The following RAPGEF1 variants were observed in gnomAD, a reference collection of about 807,000 sequenced individuals.
The protein encoded by RAPGEF1 is CRK SH3-binding GNRP.
Under a neutral mutation model 143.3 loss-of-function variants are expected in RAPGEF1, and 33 were observed. The ratio of observed to expected loss-of-function variants is 0.23; its 90% CI spans 0.17 to 0.31. RAPGEF1 has a LOEUF of 0.31. Among genes scored for constraint, RAPGEF1 ranks in the 10% least tolerant of loss-of-function variants. The pLI, the probability that RAPGEF1 is intolerant of heterozygous loss-of-function variation, is 1.00. For missense variants in RAPGEF1, 1,199 were observed against 1,645.4 expected, an observed-to-expected ratio of 0.73 and a Z score of 4.69; for synonymous variants, 629 against 676.5, an observed-to-expected ratio of 0.93 and a Z score of 1.09.
chr9:131,579,910 C>T (rs889239778), intron 26 of RAPGEF1, among the ~76,000 whole-genome samples: 9 of 152,232 alleles, frequency 5.9e-5, no homozygotes, highest in East Asian at 1.9e-4. Flanking sequence ...CCCCCAACAA[C>T]GCATGCCAGG....
chr9:131,598,119 A>G (rs1564484477), intron 16 of RAPGEF1, 80 bp downstream of exon 16: 6 of 1,257,926 alleles, frequency 4.8e-6, no homozygotes, highest in Non-Finnish European at 6.8e-6. Context: ...TCTGCTTATG[A>G]CAAGATCACA....
rs1972143918 is a variant in RAPGEF1 at position 131,655,274 on chromosome 9, C to G, written c.62-4325G>C. Among the ~76,000 whole-genome samples the G allele has an allele frequency of 6.6e-6, 1 of 152,244 alleles. No individual in the cohort carries two copies. Among genetic ancestry groups the G allele is most frequent in the Non-Finnish European group, 1.5e-5 (1 of 68,052 alleles). On this transcript the variant is annotated intron_variant, in intron 1 of 26. Coordinates refer to ENST00000683357, the MANE Select transcript of RAPGEF1 (RefSeq NM_001377935.1). The surrounding 1 kb of genome is among the most constrained non-coding windows in gnomAD (Gnocchi z 4.1). Reference sequence around the variant, plus strand: ...CATGTGGTCAAACCAAACAGCTTCACAGCTGTGTGATGGCCAGAGCTGCAG... The same window carrying G: ...CATGTGGTCAAACCAAACAGCTTCAGAGCTGTGTGATGGCCAGAGCTGCAG...
intron 1 of RAPGEF1, among the ~76,000 whole-genome samples, chr9:131,719,442 G>A (rs943786302): frequency 3.3e-5 from 5 of 151,942 alleles, no homozygotes; most frequent in Admixed American, 6.6e-5. Context: ...TGTCTTTTTG[G>A]GGCTATTATT....
intron 1 of RAPGEF1, among the ~76,000 whole-genome samples, chr9:131,702,965 T>C (rs145106857): frequency 3.8e-4 from 58 of 152,310 alleles, no homozygotes; most frequent in Non-Finnish European, 6.0e-4. Flanking sequence ...GTGCAGCCGC[T>C]CTGAAAAAGA....
chr9:131,656,759 G>T (rs961502106), intron 1 of RAPGEF1, among the ~76,000 whole-genome samples: 3 of 152,220 alleles, frequency 2.0e-5, no homozygotes, highest in African/African-American at 7.2e-5. Context: ...TCATGCAAGG[G>T]CAGGGACCAA....
rs763419573 is a variant in RAPGEF1, at chr9:131,598,315, G to A, written c.2502-5C>T. Reference sequence around the variant, plus strand: ...GCATCTGGTGACTTTGGGGCCCTGCGGGGAGAAGTGGTTTGTGTTGCAAGT... The same window carrying A: ...GCATCTGGTGACTTTGGGGCCCTGCAGGGAGAAGTGGTTTGTGTTGCAAGT... On this transcript the variant is annotated splice_region_variant and splice_polypyrimidine_tract_variant and intron_variant, in intron 15 of 26. Transcript: ENST00000683357. 10 of 1,612,018 alleles carry A rather than the reference G, an allele frequency of 6.2e-6. No homozygotes were observed. Among genetic ancestry groups the A allele is most frequent in the African/African-American group, 4.0e-5 (3 of 74,904 alleles).
chr9:131,716,927 CTG>C (rs1328176674), intron 1 of RAPGEF1, among the ~76,000 whole-genome samples: 3 of 152,210 alleles, frequency 2.0e-5, no homozygotes, highest in East Asian at 1.9e-4. Context: ...CGACTGGACA[CTG>C]TGCATAGCCG....
At chr9:131,599,350 G>C (rs1955871473) in intron 15 of RAPGEF1, among the ~76,000 whole-genome samples, 1 of 149,370 alleles carries the variant, frequency 6.7e-6, no homozygotes, top group Non-Finnish European at 1.5e-5. Context: ...TTGATCTCCT[G>C]ACTCATGTGA....
chr9:131,688,405 G>A (rs1224574780), intron 1 of RAPGEF1, among the ~76,000 whole-genome samples: 2 of 152,120 alleles, frequency 1.3e-5, no homozygotes, highest in Non-Finnish European at 2.9e-5. Context: ...TATCTCAGTG[G>A]ATGTTAACTA....
chr9:131,730,841 G>C (rs1837023465), intron 1 of RAPGEF1, among the ~76,000 whole-genome samples: 1 of 152,226 alleles, frequency 6.6e-6, no homozygotes, highest in Admixed American at 6.5e-5. Flanking sequence ...CCAGAAGCAA[G>C]GCTTCCGCAG....
chr9:131,581,452 G>A (rs189919912), intron 25 of RAPGEF1, among the ~76,000 whole-genome samples: 1 of 151,856 alleles, frequency 6.6e-6, no homozygotes, highest in African/African-American at 2.4e-5. Context: ...ACTTTGGGAG[G>A]CCAAGGCAGG....
At chr9:131,699,650 G>A (rs564489038) in intron 1 of RAPGEF1, among the ~76,000 whole-genome samples, 20 of 152,198 alleles carry the variant, frequency 1.3e-4, no homozygotes, top group African/African-American at 3.4e-4. Context: ...ATGTGTCACC[G>A]AAGCCCCCTC....
chr9:131,721,024 T>C (rs1315735839), intron 1 of RAPGEF1, among the ~76,000 whole-genome samples: 1 of 152,172 alleles, frequency 6.6e-6, no homozygotes, highest in Non-Finnish European at 1.5e-5. Context: ...TTGATGCTTC[T>C]AGGAGTGACT....
At chr9:131,635,414 G>GAA (rs528611013) in intron 5 of RAPGEF1, among the ~76,000 whole-genome samples, 4 of 135,060 alleles carry the variant, frequency 3.0e-5, no homozygotes, top group Non-Finnish European at 6.5e-5. Context: ...TCAATCATTT[G>GAA]AAAAAAAAAA....
intron 1 of RAPGEF1, among the ~76,000 whole-genome samples, chr9:131,672,156 C>T (rs966269511): frequency 9.2e-5 from 14 of 152,180 alleles, no homozygotes; most frequent in African/African-American, 3.4e-4. Flanking sequence ...GGACCAAGCA[C>T]AGGTGCAAAG....
chr9:131,631,730 G>T (rs1322367792), intron 5 of RAPGEF1, among the ~76,000 whole-genome samples: 1 of 152,236 alleles, frequency 6.6e-6, no homozygotes, highest in Non-Finnish European at 1.5e-5. Flanking sequence ...AAGGCAAAGA[G>T]TCAGTTACCA....
chr9:131,658,062 G>GTCGC (rs150128569), intron 1 of RAPGEF1, among the ~76,000 whole-genome samples: 42 of 152,312 alleles, frequency 2.8e-4, no homozygotes, highest in African/African-American at 9.9e-4. Flanking sequence ...TGGACACTGG[G>GTCGC]TCGCTTCCAG....
chr9:131,727,870 T>C (rs1564208955), intron 1 of RAPGEF1, among the ~76,000 whole-genome samples: 1 of 152,224 alleles, frequency 6.6e-6, no homozygotes, highest in Non-Finnish European at 1.5e-5. Flanking sequence ...GCCTTTGGTC[T>C]TCTGATGAGC....
chr9:131,627,977 C>A lies in RAPGEF1; in HGVS notation c.1137G>T (p.Glu379Asp), dbSNP rs747623029. 132 of 1,592,318 alleles carry A rather than the reference C, an allele frequency of 8.3e-5. No homozygotes were observed. The highest frequency in any genetic ancestry group is 1.1e-4 in the Non-Finnish European group (130 of 1,169,560). Residue 379 changes from glutamate to aspartate, a missense_variant, in exon 9 of 27, where the codon GAG becomes GAT. By Grantham distance (45) the Glu-to-Asp change is conservative. Transcript: ENST00000683357. ...TGTCCCTGTCCAGAGAGGACAGCTG[C>A]TCGTCTGACTTGCTGAGCTTGCCTA... is the stretch of plus-strand genomic sequence containing the variant. ...SSIGKLSKSD[E>D]QLSSLDRDSG... is the part of the protein sequence containing the mutation.
Sources: allele counts gnomAD v4.1 joint callset (sites outside exome capture counted in the v4.1 genomes callset), GRCh38; gene constraint gnomAD v4.1.1; non-coding constraint Gnocchi (gnomAD v3.1); transcripts MANE v1.5; gene names NCBI Gene and HGNC (gene_info 2026-07-23, HGNC 2026-07-21).